The following MKRN2OS variants were observed in gnomAD, a reference collection of about 807,000 sequenced individuals.
MKRN2OS encodes the protein MKRN2 opposite strand protein.
A neutral mutation model predicts 18.2 loss-of-function variants in MKRN2OS; 17 were observed. The ratio of observed to expected loss-of-function variants is 0.93; its 90% CI spans 0.64 to 1.40. The LOEUF is 1.40. Ranked by LOEUF, MKRN2OS falls within the 40% of genes most tolerant of loss-of-function variation. MKRN2OS has a pLI of 0.00. For synonymous variants in MKRN2OS, 121 were observed against 108.5 expected, an observed-to-expected ratio of 1.12 and a Z score of -0.72; for missense variants, 337 against 283.0, an observed-to-expected ratio of 1.19 and a Z score of -1.37.
At chr3:12,545,644 T>C, upstream of MKRN2OS, 3 of 438,464 alleles carry the variant, frequency 6.8e-6, no homozygotes, top group South Asian at 1.2e-4. Flanking sequence ...ATAGACTGTA[T>C]CTTAAAGAGC....
In MKRN2OS at chr3:12,541,884, G is replaced by A. The variant is rs1021912701; in HGVS notation, c.407C>T (p.Thr136Ile). The A allele has an allele frequency of 7.8e-6, 12 of 1,535,862 alleles. No homozygotes were observed. In the East Asian group the frequency reaches 2.2e-4, roughly 28 times the overall value. The change falls in exon 3 of 4, where the codon ACC becomes ATC. Residue 136 changes from threonine to isoleucine, a missense_variant. By Grantham distance (89) the Thr-to-Ile change is moderately conservative (BLOSUM62 -1). Transcript: ENST00000564146. ...CCTGTGAGGCAGCCAGGCCCCCGAG[G>A]TGGAGAAGTCTTCCAGGTACTTGTC... ...QWDKYLEDFS[T>I]SGAWLPHRYE...
chr3:12,545,182 T>G lies in MKRN2OS; in HGVS notation c.218+65A>C, dbSNP rs112437562. On this transcript the variant is annotated intron_variant, in intron 1 of 3. Transcript: ENST00000564146. ...ACATTATGTATTAAGAAAAGGAAACTTTAGTGACTAAAACAGAAGGAAAAG... is the reference window on the plus strand; with the variant it reads ...ACATTATGTATTAAGAAAAGGAAACGTTAGTGACTAAAACAGAAGGAAAAG... The G allele has an allele frequency of 1.8e-3, 2,351 of 1,308,110 alleles. 31 individuals carry two copies. In the African/African-American group the frequency reaches 0.031, roughly 17 times the overall value. The allele number at this position is 1,308,110 out of a possible 1,614,324, so 81.0% of individuals were successfully genotyped here.
At chr3:12,558,396 G>C (rs1200660650) in intron 1 of MKRN2OS, among the ~76,000 whole-genome samples, 1 of 152,168 alleles carries the variant, frequency 6.6e-6, no homozygotes, top group Non-Finnish European at 1.5e-5. Context: ...CCTGCTGGAG[G>C]AAGTATTCCT....
At chr3:12,543,538 G>C (rs2057844514) in intron 1 of MKRN2OS, among the ~76,000 whole-genome samples, 1 of 152,062 alleles carries the variant, frequency 6.6e-6, no homozygotes, top group African/African-American at 2.4e-5. Flanking sequence ...AGTGAGCCAT[G>C]ATCGCACCAC....
intron 2 of MKRN2OS, among the ~76,000 whole-genome samples, 182 bp downstream of exon 2, chr3:12,542,998 T>A (rs983440828): frequency 1.3e-5 from 2 of 152,334 alleles, no homozygotes; most frequent in Non-Finnish European, 2.9e-5. Flanking sequence ...GTATTGTTAG[T>A]GATAATTTGC....
upstream of MKRN2OS, among the ~76,000 whole-genome samples, chr3:12,549,768 G>T (rs1276992191): frequency 6.6e-6 from 1 of 152,148 alleles, no homozygotes; most frequent in Non-Finnish European, 1.5e-5. Flanking sequence ...GCCCAGGCTT[G>T]TCTTGAACTC....
exon 1 of MKRN2OS, chr3:12,560,868 A>G (rs1174566221): frequency 6.6e-6 from 1 of 152,270 alleles, no homozygotes; most frequent in Non-Finnish European, 1.5e-5. Context: ...TGTCCATCAG[A>G]AAGGTTGAGC....
upstream of MKRN2OS, among the ~76,000 whole-genome samples, chr3:12,548,386 T>G (rs1223270454): frequency 2.6e-5 from 3 of 116,076 alleles, no homozygotes; most frequent in African/African-American, 1.3e-4. Context: ...AGGCGGAGCT[T>G]GCAGTGAGCC....
At chr3:12,546,575 A>ATTTTTTTTTTTTTTTTTTTTTTTT (rs1160434615), upstream of MKRN2OS, among the ~76,000 whole-genome samples, 1 of 97,130 alleles carries the variant, frequency 1.0e-5, no homozygotes, top group African/African-American at 4.7e-5. Flanking sequence ...GGTACATGGG[A>ATTTTTTTTTTTTTTTTTTTTTTTT]TTTTTTTTTT....
chr3:12,557,541 G>T (rs2057989106), intron 1 of MKRN2OS, among the ~76,000 whole-genome samples: 1 of 152,258 alleles, frequency 6.6e-6, no homozygotes, highest in Non-Finnish European at 1.5e-5. Context: ...GTAAAGGGAC[G>T]CCGAGAGGAC....
At chr3:12,560,970 CAG>C (rs1462598080) in exon 1 of MKRN2OS, 1 of 152,170 alleles carries the variant, frequency 6.6e-6, no homozygotes, top group Non-Finnish European at 1.5e-5. Flanking sequence ...AAGCACATGA[CAG>C]AGATGCCCCA....
At chr3:12,556,125 G>A (rs953427339) in intron 1 of MKRN2OS, among the ~76,000 whole-genome samples, 1 of 152,200 alleles carries the variant, frequency 6.6e-6, no homozygotes, top group Admixed American at 6.5e-5. Flanking sequence ...AAAGGTGAAT[G>A]ACATGATCCG....
chr3:12,542,365 A>G (rs112496288), intron 2 of MKRN2OS, among the ~76,000 whole-genome samples: 189 of 152,322 alleles, frequency 1.2e-3, no homozygotes, highest in African/African-American at 4.0e-3. Flanking sequence ...CTATTTACCA[A>G]TGGGTCAATC....
intron 1 of MKRN2OS, 92 bp downstream of exon 1, chr3:12,545,155 A>T: frequency 9.5e-7 from 1 of 1,049,014 alleles, no homozygotes; most frequent in Non-Finnish European, 1.3e-6. Flanking sequence ...ACCAAACCTC[A>T]CACATTATGT....
intron 1 of MKRN2OS, chr3:12,556,938 G>C: frequency 4.6e-6 from 2 of 436,130 alleles, no homozygotes; most frequent in Non-Finnish European, 7.6e-6. Context: ...CAGGGATGCC[G>C]GGACAGCCGG....
At chr3:12,543,092 T>C (rs1464428866) in intron 2 of MKRN2OS, 88 bp downstream of exon 2, 2 of 1,055,684 alleles carry the variant, frequency 1.9e-6, no homozygotes, top group East Asian at 2.6e-5. Flanking sequence ...GAATCACTTA[T>C]TAGATGTTGC....
At chr3:12,550,350 G>A (rs1559383196), upstream of MKRN2OS, among the ~76,000 whole-genome samples, 1 of 152,134 alleles carries the variant, frequency 6.6e-6, no homozygotes, top group African/African-American at 2.4e-5. Flanking sequence ...GCTGTATACG[G>A]TATGACTCCC....
upstream of MKRN2OS, among the ~76,000 whole-genome samples, chr3:12,549,014 A>G (rs1216816309): frequency 6.6e-6 from 1 of 152,110 alleles, no homozygotes; most frequent in Non-Finnish European, 1.5e-5. Context: ...GCCTCACTGC[A>G]ACCTCCACCT....
downstream of MKRN2OS, chr3:12,553,708 A>G (rs1243607822): frequency 6.6e-6 from 1 of 152,204 alleles, no homozygotes; most frequent in African/African-American, 2.4e-5. Context: ...AAAGATACAA[A>G]GATGAAAAGG....
Sources: allele counts gnomAD v4.1 joint callset (sites outside exome capture counted in the v4.1 genomes callset), GRCh38; gene constraint gnomAD v4.1.1; transcripts MANE v1.5; gene names NCBI Gene and HGNC (gene_info 2026-07-23, HGNC 2026-07-21).